TLK1: variants seen among roughly 807,000 people sequenced by gnomAD.
TLK1 encodes tousled like kinase 1.
In TLK1, 24 loss-of-function variants were observed where a neutral mutation model predicts 105.3. The observed-to-expected ratio is 0.23, with a 90% CI of 0.17 to 0.32. The LOEUF (loss-of-function observed/expected upper bound fraction) is 0.32, where lower values mean the gene tolerates loss of function less well. Among genes scored for constraint, TLK1 ranks in the 10% least tolerant of loss-of-function variants. TLK1 has a pLI of 1.00. For missense variants in TLK1, 558 were observed against 910.5 expected (o/e 0.61, Z 4.98); for synonymous variants, 321 against 310.4 (o/e 1.03, Z -0.36).
intron 12 of TLK1, among the ~76,000 whole-genome samples, chr2:171,020,626 C>A (rs899102262): frequency 6.6e-6 from 1 of 151,614 alleles, no homozygotes; most frequent in Non-Finnish European, 1.5e-5. Flanking sequence ...TAATTTATTT[C>A]GAATTTATCC....
At chr2:171,072,703 G>C (rs1477607205) in intron 3 of TLK1, among the ~76,000 whole-genome samples, 3 of 152,184 alleles carry the variant, frequency 2.0e-5, no homozygotes, top group African/African-American at 7.2e-5. Context: ...AGGAGGCGGA[G>C]GGTGCAGTGA....
chr2:171,179,265 T>C (rs1302100162), intron 1 of TLK1, among the ~76,000 whole-genome samples: 1 of 152,248 alleles, frequency 6.6e-6, no homozygotes, highest in African/African-American at 2.4e-5. Flanking sequence ...GGCACCCTTT[T>C]ATTCCCAAAT....
chr2:171,053,608 G>A (rs560611239), intron 8 of TLK1, 153 bp downstream of exon 8: 32 of 533,562 alleles, frequency 6.0e-5, no homozygotes, highest in Non-Finnish European at 6.9e-5. Flanking sequence ...TGATCTGCCC[G>A]CCTCGACCTC....
chr2:171,149,883 G>T (rs1691960161), intron 1 of TLK1, among the ~76,000 whole-genome samples: 1 of 151,632 alleles, frequency 6.6e-6, no homozygotes, highest in Admixed American at 6.6e-5. Flanking sequence ...CTCCAGCCTG[G>T]GTGACAAAGT....
At chr2:171,049,323 A>C (rs1687119825) in intron 10 of TLK1, among the ~76,000 whole-genome samples, 1 of 152,000 alleles carries the variant, frequency 6.6e-6, no homozygotes, top group South Asian at 2.1e-4. Flanking sequence ...AGTTTACCTC[A>C]GAAACGCTAA....
At position 171,160,679 on chromosome 2, in the gene TLK1, G is replaced by C. The variant is rs1164103089; in HGVS notation, c.-251C>G. Reference sequence around the variant, plus strand: ...GAGGGAGCGAGCGGGCGCGCCAGAGGAGAGGAGGAGGAAAGGAGCGCGGCG... The same window carrying C: ...GAGGGAGCGAGCGGGCGCGCCAGAGCAGAGGAGGAGGAAAGGAGCGCGGCG... On this transcript the variant is annotated 5_prime_UTR_variant, in exon 1 of 21. Transcript: ENST00000431350. This position sits in a 1 kb window ranked among gnomAD's most constrained non-coding sequence, Gnocchi z 4.4. 12 of 560,366 alleles carry C rather than the reference G, an allele frequency of 2.1e-5. No homozygotes were observed. Among genetic ancestry groups the C allele is most frequent in the Non-Finnish European group, 3.5e-5 (12 of 341,138 alleles). 34.7% of individuals were successfully genotyped at this position (560,366 alleles called of 1,614,324 possible). A position where few individuals can be genotyped will look rare whatever the true frequency, so the allele number is the denominator to read the frequency against.
intron 12 of TLK1, among the ~76,000 whole-genome samples, chr2:171,018,263 C>G (rs1685302950): frequency 6.6e-6 from 1 of 152,162 alleles, no homozygotes; most frequent in African/African-American, 2.4e-5. Context: ...GCAAGAGAGC[C>G]CTTACCCAAA....
chr2:171,000,630 G>A (rs1464715456), intron 18 of TLK1, among the ~76,000 whole-genome samples: 6 of 152,052 alleles, frequency 3.9e-5, no homozygotes, highest in Non-Finnish European at 8.8e-5. Flanking sequence ...GACTGAGGAG[G>A]GGTTAGTTTT....
In TLK1 at chr2:171,150,298, A is replaced by G. The variant is rs115576513; in HGVS notation, c.139+9992T>C. Among the ~76,000 whole-genome samples, 466 of 152,344 alleles carry G rather than the reference A, an allele frequency of 3.1e-3. 4 individuals carry two copies. The highest frequency in any genetic ancestry group is 0.011 in the African/African-American group (439 of 41,582). Reference sequence around the variant, plus strand: ...CATGACTGAAAATCTAGTATTTAAAAAAAAGGAGGCTTTTACTCAGTTACT... The same window carrying G: ...CATGACTGAAAATCTAGTATTTAAAGAAAAGGAGGCTTTTACTCAGTTACT... On this transcript the variant is annotated intron_variant, in intron 1 of 20. Transcript: ENST00000431350.
chr2:171,125,145 A>C (rs538749322), intron 1 of TLK1, among the ~76,000 whole-genome samples: 2 of 152,314 alleles, frequency 1.3e-5, no homozygotes, highest in African/African-American at 2.4e-5. Flanking sequence ...CTTGGCAAAC[A>C]AATAAGCCAC....
intron 2 of TLK1, among the ~76,000 whole-genome samples, chr2:171,096,338 AAAAAT>A (rs749799521): frequency 1.3e-5 from 2 of 152,184 alleles, no homozygotes; most frequent in Non-Finnish European, 2.9e-5. Flanking sequence ...CATCTCTATA[AAAAAT>A]AAAATAAACT....
intron 20 of TLK1, chr2:170,994,554 C>T: frequency 4.5e-6 from 1 of 220,492 alleles, no homozygotes; most frequent in Non-Finnish European, 9.5e-6. Context: ...AAAAAAAAAC[C>T]TTTCCTGAAG....
intron 1 of TLK1, among the ~76,000 whole-genome samples, chr2:171,185,061 G>C (rs142408201): frequency 6.6e-6 from 1 of 151,990 alleles, no homozygotes; most frequent in Admixed American, 6.6e-5. Flanking sequence ...GGATGGTCTC[G>C]ATCTCCTGAC....
chr2:171,144,275 C>T (rs1691706367), intron 1 of TLK1, among the ~76,000 whole-genome samples: 1 of 152,008 alleles, frequency 6.6e-6, no homozygotes, highest in African/African-American at 2.4e-5. Context: ...TAGAACTAGG[C>T]AGAAGATCAA....
intron 1 of TLK1, among the ~76,000 whole-genome samples, chr2:171,154,086 T>TG (rs397697291): frequency 6.6e-6 from 1 of 151,426 alleles, no homozygotes; most frequent in African/African-American, 2.4e-5. Flanking sequence ...TTTTTTTTTT[T>TG]GAGACAGGAT....
chr2:171,064,408 G>A (rs1003648002), intron 3 of TLK1, among the ~76,000 whole-genome samples: 6 of 152,038 alleles, frequency 3.9e-5, no homozygotes, highest in Non-Finnish European at 7.4e-5. Context: ...AAAAACTACT[G>A]ATCATGACCA....
intron 1 of TLK1, among the ~76,000 whole-genome samples, chr2:171,155,145 C>T (rs1008703242): frequency 4.6e-5 from 7 of 152,110 alleles, no homozygotes; most frequent in African/African-American, 1.7e-4. Flanking sequence ...GACTCTCTAG[C>T]TTTAAAAACA....
At chr2:171,114,551 G>C (rs562270515) in intron 2 of TLK1, among the ~76,000 whole-genome samples, 1 of 152,132 alleles carries the variant, frequency 6.6e-6, no homozygotes, top group South Asian at 2.1e-4. Context: ...AACTAAAAAA[G>C]GTGGCCTGGT....
intron 2 of TLK1, among the ~76,000 whole-genome samples, chr2:171,088,746 C>T (rs900764363): frequency 5.9e-5 from 9 of 152,076 alleles, no homozygotes; most frequent in African/African-American, 1.9e-4. Context: ...GAATTCTACC[C>T]GTCAGATACA....
Sources: allele counts gnomAD v4.1 joint callset (sites outside exome capture counted in the v4.1 genomes callset), GRCh38; gene constraint gnomAD v4.1.1; non-coding constraint Gnocchi (gnomAD v3.1); transcripts MANE v1.5; gene names NCBI Gene and HGNC (gene_info 2026-07-23, HGNC 2026-07-21).